Variants in MACROD2 observed in about 807,000 individuals in gnomAD.
MACROD2 encodes the protein ADP-ribose glycohydrolase MACROD2.
MACROD2 carries 36 observed loss-of-function variants against 70.4 expected under a neutral mutation model. The observed-to-expected ratio is 0.51, with a 90% CI of 0.39 to 0.68. The LOEUF (loss-of-function observed/expected upper bound fraction) is 0.68, where lower values mean the gene tolerates loss of function less well. Among genes scored for constraint, MACROD2 ranks in the 30% least tolerant of loss-of-function variants. MACROD2 has a pLI of 0.00. For missense variants in MACROD2, 496 were observed against 538.4 expected (o/e 0.92, Z 0.78); for synonymous variants, 172 against 178.8 (o/e 0.96, Z 0.30).
chr20:15,581,629 T>C (rs1225240409), intron 8 of MACROD2, among the ~76,000 whole-genome samples: 1 of 152,134 alleles, frequency 6.6e-6, no homozygotes, highest in East Asian at 1.9e-4. Context: ...CTAAATGACT[T>C]AAATGTAGAT....
chr20:15,237,939 A>T (rs1298535255), intron 6 of MACROD2, among the ~76,000 whole-genome samples: 5 of 152,222 alleles, frequency 3.3e-5, no homozygotes, highest in Non-Finnish European at 7.3e-5. Flanking sequence ...TTGCTAGAAG[A>T]TGCTGTGGAT....
At chr20:15,546,103 A>C (rs1247833840) in intron 8 of MACROD2, among the ~76,000 whole-genome samples, 1 of 152,180 alleles carries the variant, frequency 6.6e-6, no homozygotes, top group African/African-American at 2.4e-5. Context: ...AAATTAGCCA[A>C]GCGTGGTGAT....
intron 5 of MACROD2, among the ~76,000 whole-genome samples, chr20:14,778,015 C>T (rs1270974733): frequency 2.6e-5 from 4 of 152,044 alleles, no homozygotes; most frequent in Non-Finnish European, 4.4e-5. Context: ...AGGCCTGACA[C>T]GCTGCATTCC....
chr20:14,711,958 A>G (rs2071344093), intron 5 of MACROD2, among the ~76,000 whole-genome samples: 1 of 152,186 alleles, frequency 6.6e-6, no homozygotes, highest in African/African-American at 2.4e-5. Context: ...GACTTCTTCC[A>G]TCTGTATAGA....
intron 5 of MACROD2, among the ~76,000 whole-genome samples, chr20:14,930,829 G>A (rs1449285159): frequency 6.3e-5 from 7 of 111,790 alleles, no homozygotes; most frequent in South Asian, 3.3e-4. Flanking sequence ...CATTTTTTAA[G>A]TAATTTTTTT....
At chr20:15,142,831 C>A (rs6074849) in intron 5 of MACROD2, among the ~76,000 whole-genome samples, 89,580 of 151,850 alleles carry the variant, frequency 0.59, 26,551 homozygotes, top group East Asian at 0.65. Context: ...TCCCTACAAA[C>A]GACATGAACT....
chr20:14,829,442 G>A (rs550594051), intron 5 of MACROD2, among the ~76,000 whole-genome samples: 2 of 152,086 alleles, frequency 1.3e-5, no homozygotes, highest in Non-Finnish European at 2.9e-5. Context: ...CAATTCAGAA[G>A]AGTTGCACAT....
At chr20:14,510,951 A>T (rs1258720590) in intron 4 of MACROD2, among the ~76,000 whole-genome samples, 2 of 152,078 alleles carry the variant, frequency 1.3e-5, no homozygotes, top group African/African-American at 4.8e-5. Flanking sequence ...GGTATGATAA[A>T]ATGCTGTGGG....
At chr20:14,067,510 C>T (rs1249756466) in intron 2 of MACROD2, among the ~76,000 whole-genome samples, 5 of 152,168 alleles carry the variant, frequency 3.3e-5, no homozygotes, top group Admixed American at 6.5e-5. Context: ...AAATGTGCTT[C>T]TCCTTTTCTT....
chr20:14,076,205 TA>T lies in MACROD2; in HGVS notation c.164-9415del, dbSNP rs202038008. 5.9e-3 allele frequency among the ~76,000 whole-genome samples: 901 copies of T among 152,314 alleles called. 18 individuals are homozygous for T. The highest frequency in any genetic ancestry group is 0.04 in the Admixed American group (609 of 15,292). ...ATGTATGTATGTTATATATATGTGA[TA>T]TTTTTCTACCTAAGGATAGTATTAC... On this transcript the variant is annotated intron_variant, in intron 2 of 17. Coordinates refer to ENST00000684519, the MANE Select transcript of MACROD2 (RefSeq NM_001351661.2).
chr20:15,087,227 G>A (rs2123152294), intron 5 of MACROD2, among the ~76,000 whole-genome samples: 1 of 151,996 alleles, frequency 6.6e-6, no homozygotes, highest in South Asian at 2.1e-4. Flanking sequence ...ATATTGACAG[G>A]CTTAAAGACA....
intron 5 of MACROD2, among the ~76,000 whole-genome samples, chr20:14,791,212 T>C (rs2072447193): frequency 6.6e-6 from 1 of 152,098 alleles, no homozygotes; most frequent in African/African-American, 2.4e-5. Flanking sequence ...AAATATACTA[T>C]GTTGAATCAT....
chr20:14,805,603 A>G (rs2072629078), intron 5 of MACROD2, among the ~76,000 whole-genome samples: 1 of 152,114 alleles, frequency 6.6e-6, no homozygotes, highest in East Asian at 1.9e-4. Flanking sequence ...GCCAAAAAAG[A>G]CACAGCTGGG....
chr20:14,606,106 G>C (rs973013182), intron 4 of MACROD2, among the ~76,000 whole-genome samples: 19 of 152,008 alleles, frequency 1.2e-4, no homozygotes, highest in African/African-American at 4.6e-4. Flanking sequence ...TATAAGCATG[G>C]CATGGAATAA....
chr20:14,175,549 C>T (rs2081256696), intron 3 of MACROD2, among the ~76,000 whole-genome samples: 1 of 152,088 alleles, frequency 6.6e-6, no homozygotes, highest in African/African-American at 2.4e-5. Flanking sequence ...CTCCATTGCC[C>T]CTCATGTGAG....
At chr20:15,260,046 A>G (rs1456143000) in intron 6 of MACROD2, among the ~76,000 whole-genome samples, 1 of 151,836 alleles carries the variant, frequency 6.6e-6, no homozygotes, top group Non-Finnish European at 1.5e-5. Flanking sequence ...TACATGTTAT[A>G]TTTTCATATA....
chr20:15,098,761 T>C (rs1457002996), intron 5 of MACROD2, among the ~76,000 whole-genome samples: 1 of 152,250 alleles, frequency 6.6e-6, no homozygotes, highest in Non-Finnish European at 1.5e-5. Context: ...AAGGTGGTGA[T>C]ATCTAAATAG....
At chr20:14,948,616 G>C (rs911491501) in intron 5 of MACROD2, among the ~76,000 whole-genome samples, 3 of 152,144 alleles carry the variant, frequency 2.0e-5, no homozygotes, top group African/African-American at 7.2e-5. Flanking sequence ...GGTGCCCTCT[G>C]TCTACCAAAC....
In MACROD2 at chr20:15,892,999, A is replaced by C. The variant is rs543152671; in HGVS notation, c.775+7188A>C. On this transcript the variant is annotated intron_variant, in intron 10 of 17. Transcript: ENST00000684519. ...GCAAAGAAGCCAGAATGTTCGAAAG[A>C]CTCTAGCGAGGGTAAGTCCTGTCCC... 99 of 398,998 alleles carry C rather than the reference A, an allele frequency of 2.5e-4. 4 individuals are homozygous for C. The South Asian group carries it at 9.7e-3, about 39-fold the overall frequency. The allele number at this position is 398,998 out of a possible 1,614,324, so 24.7% of individuals were successfully genotyped here. A position where few individuals can be genotyped will look rare whatever the true frequency, so the allele number is the denominator to read the frequency against.
Sources: allele counts gnomAD v4.1 joint callset (sites outside exome capture counted in the v4.1 genomes callset), GRCh38; gene constraint gnomAD v4.1.1; transcripts MANE v1.5; gene names NCBI Gene and HGNC (gene_info 2026-07-23, HGNC 2026-07-21).